Variants in CDK14 observed in about 807,000 individuals in gnomAD.
CDK14 encodes the protein cyclin dependent kinase 14.
Under a neutral mutation model 60.7 loss-of-function variants are expected in CDK14, and 34 were observed. The observed-to-expected ratio is 0.56, with a 90% CI of 0.43 to 0.75. CDK14 has a LOEUF of 0.75. Among genes scored for constraint, CDK14 ranks in the 30% least tolerant of loss-of-function variants. The pLI is 0.00. For synonymous variants in CDK14, 197 were observed against 203.7 expected, an observed-to-expected ratio of 0.97 and a Z score of 0.28; for missense variants, 482 against 564.1, an observed-to-expected ratio of 0.85 and a Z score of 1.47.
chr7:91,167,645 A>C (rs1288507919), intron 14 of CDK14, among the ~76,000 whole-genome samples: 2 of 152,216 alleles, frequency 1.3e-5, no homozygotes, highest in African/African-American at 4.8e-5. Context: ...CAAATGATCC[A>C]AGTGGACACC....
intron 10 of CDK14, among the ~76,000 whole-genome samples, chr7:91,019,310 A>T (rs1004109063): frequency 2.8e-4 from 42 of 152,044 alleles, no homozygotes; most frequent in African/African-American, 9.4e-4. Context: ...TACTTCTTTC[A>T]TGTCTGTAAC....
intron 2 of CDK14, among the ~76,000 whole-genome samples, chr7:90,707,354 T>A (rs911938296): frequency 1.3e-5 from 2 of 152,062 alleles, no homozygotes; most frequent in African/African-American, 4.8e-5. Flanking sequence ...GAATGCCTCT[T>A]ACCTCTGTTG....
intron 12 of CDK14, among the ~76,000 whole-genome samples, chr7:91,086,546 A>G (rs920122951): frequency 2.6e-5 from 4 of 152,138 alleles, no homozygotes; most frequent in African/African-American, 9.7e-5. Context: ...AAAACACCGT[A>G]AAGGCTCAGC....
chr7:91,184,282 CAA>C (rs111896079), intron 14 of CDK14, among the ~76,000 whole-genome samples: 3 of 119,740 alleles, frequency 2.5e-5, no homozygotes, highest in Non-Finnish European at 3.5e-5. Context: ...GAGATCCTCT[CAA>C]AAAAAAAAAA....
At chr7:91,032,613 C>G (rs1374542889) in intron 10 of CDK14, among the ~76,000 whole-genome samples, 1 of 152,090 alleles carries the variant, frequency 6.6e-6, no homozygotes, top group Admixed American at 6.6e-5. Flanking sequence ...GATGCATCCA[C>G]AAGCCAAGTA....
At chr7:91,188,783 G>T (rs553689414) in intron 14 of CDK14, among the ~76,000 whole-genome samples, 1 of 152,246 alleles carries the variant, frequency 6.6e-6, no homozygotes, top group East Asian at 1.9e-4. Flanking sequence ...TGACTGTAGA[G>T]CAACAGTGTA....
chr7:91,039,201 C>T (rs1157487250), intron 10 of CDK14, among the ~76,000 whole-genome samples: 6 of 152,100 alleles, frequency 3.9e-5, no homozygotes, highest in South Asian at 2.1e-4. Context: ...GGGCCCCCAC[C>T]GCGCTCATTA....
intron 6 of CDK14, among the ~76,000 whole-genome samples, chr7:90,874,648 C>T (rs1263287601): frequency 2.7e-5 from 4 of 149,940 alleles, no homozygotes; most frequent in Non-Finnish European, 4.4e-5. Flanking sequence ...CCTGCCTCAG[C>T]CTCCCCAGTA....
intron 9 of CDK14, 123 bp downstream of exon 9, chr7:90,955,940 G>C: frequency 8.9e-7 from 1 of 1,122,972 alleles, no homozygotes; most frequent in Non-Finnish European, 1.3e-6. Flanking sequence ...CCTGCATGTG[G>C]CCATGCTGCT....
At chr7:90,932,214 G>C (rs891517428) in intron 8 of CDK14, among the ~76,000 whole-genome samples, 1 of 152,096 alleles carries the variant, frequency 6.6e-6, no homozygotes, top group Non-Finnish European at 1.5e-5. Context: ...TTCTGAAACT[G>C]TGGTCTGCGG....
Position 90,740,270 on chromosome 7 carries a change from T to TAGAGAG in CDK14, c.370-7395_370-7390dup, listed in dbSNP as rs397890123. Among the ~76,000 whole-genome samples, 354 of 140,120 alleles carry TAGAGAG rather than the reference T, an allele frequency of 2.5e-3. 1 individual carries two copies. The highest frequency in any genetic ancestry group is 0.011 in the Middle Eastern group (3 of 276). 91.9% of individuals were successfully genotyped at this position (140,120 alleles called of 152,430 possible). ...GTGTGTGTGTATATATATATATATA[T>TAGAGAG]AGAGAGAGAGAGAGAGAGAGAAAGA... On this transcript the variant is annotated intron_variant, in intron 3 of 14. Transcript: ENST00000380050.
intron 8 of CDK14, among the ~76,000 whole-genome samples, chr7:90,954,123 C>T (rs1794337975): frequency 6.6e-6 from 1 of 151,808 alleles, no homozygotes; most frequent in Non-Finnish European, 1.5e-5. Context: ...TATAGTATAC[C>T]ATTGCATTAT....
chr7:90,637,113 G>GT (rs1800172088), intron 2 of CDK14, among the ~76,000 whole-genome samples: 1 of 152,074 alleles, frequency 6.6e-6, no homozygotes, highest in South Asian at 2.1e-4. Flanking sequence ...TTTTTAAAGG[G>GT]TTTTCTTGGT....
chr7:90,867,977 A>G (rs1791241760), intron 6 of CDK14, among the ~76,000 whole-genome samples: 1 of 151,868 alleles, frequency 6.6e-6, no homozygotes, highest in African/African-American at 2.4e-5. Flanking sequence ...AATTAAAAAA[A>G]AAAAATTACC....
chr7:90,613,923 C>T (rs1457421474), intron 2 of CDK14, among the ~76,000 whole-genome samples: 1 of 151,526 alleles, frequency 6.6e-6, no homozygotes, highest in Non-Finnish European at 1.5e-5. Flanking sequence ...ATCAGTGAAG[C>T]CAAGGTGGGT....
In CDK14 at chr7:91,068,807, TAAAA is replaced by T. The variant is rs57179045; in HGVS notation, c.1106-10603_1106-10600del. On this transcript the variant is annotated intron_variant, in intron 11 of 14. Transcript: ENST00000380050. ...TAGAAGCCAGAGTGATACCTTATAT[TAAAA>T]AAAAAAAAAAAAAAAAAAAAAGCCC... is the stretch of plus-strand genomic sequence containing the variant. 8.4e-3 allele frequency among the ~76,000 whole-genome samples: 579 copies of T among 68,768 alleles called. 7 individuals are homozygous for T. Among genetic ancestry groups the T allele is most frequent in the Middle Eastern group, 0.032 (2 of 62 alleles). 45.1% of individuals were successfully genotyped at this position (68,768 alleles called of 152,430 possible). A position where few individuals can be genotyped will look rare whatever the true frequency, so the allele number is the denominator to read the frequency against.
intron 14 of CDK14, among the ~76,000 whole-genome samples, chr7:91,176,716 G>T (rs1217038714): frequency 6.6e-6 from 1 of 151,760 alleles, no homozygotes; most frequent in Non-Finnish European, 1.5e-5. Flanking sequence ...TAGAAGAAAT[G>T]GATAAATTCC....
At chr7:91,204,786 A>G (rs1315113486) in intron 14 of CDK14, among the ~76,000 whole-genome samples, 2 of 152,106 alleles carry the variant, frequency 1.3e-5, no homozygotes, top group African/African-American at 2.4e-5. Context: ...CTGTCTCTAC[A>G]AATATAAAAA....
chr7:90,669,020 A>G (rs1801047970), intron 2 of CDK14, among the ~76,000 whole-genome samples: 1 of 152,050 alleles, frequency 6.6e-6, no homozygotes, highest in Admixed American at 6.6e-5. Flanking sequence ...CTGGCCTCAC[A>G]CACTTAAAAG....
Sources: allele counts gnomAD v4.1 joint callset (sites outside exome capture counted in the v4.1 genomes callset), GRCh38; gene constraint gnomAD v4.1.1; transcripts MANE v1.5; gene names NCBI Gene and HGNC (gene_info 2026-07-23, HGNC 2026-07-21).